Variants in SOX5 observed in about 807,000 individuals in gnomAD.
The protein encoded by SOX5 is transcription factor SOX-5.
A neutral mutation model predicts 92.0 loss-of-function variants in SOX5; 9 were observed. The ratio of observed to expected loss-of-function variants is 0.10; its 90% CI spans 0.06 to 0.17. The LOEUF (loss-of-function observed/expected upper bound fraction) is 0.17, where lower values mean the gene tolerates loss of function less well. Among genes scored for constraint, SOX5 ranks in the 10% least tolerant of loss-of-function variants. The pLI is 1.00. For missense variants in SOX5, 642 were observed against 944.5 expected (o/e 0.68, Z 4.20); for synonymous variants, 344 against 336.3 (o/e 1.02, Z -0.25).
Position 24,263,324 on chromosome 12 carries a change from G to A in SOX5, c.-77+13892C>T, listed in dbSNP as rs373703965. Among the ~76,000 whole-genome samples, 968 of 151,716 alleles carry A rather than the reference G, an allele frequency of 6.4e-3. 12 individuals carry two copies. The highest frequency in any genetic ancestry group is 0.022 in the African/African-American group (916 of 41,390). On this transcript the variant is annotated intron_variant, in intron 3 of 4. Transcript: ENST00000446891. Reference sequence around the variant, plus strand: ...GGGTGGATCATGAGGTCAGGAGATCGAGACCATCCTGGCTAACACGGTGAA... The same window carrying A: ...GGGTGGATCATGAGGTCAGGAGATCAAGACCATCCTGGCTAACACGGTGAA...
chr12:23,998,439 A>G (rs760619748), intron 4 of SOX5, among the ~76,000 whole-genome samples: 10 of 152,156 alleles, frequency 6.6e-5, no homozygotes, highest in Non-Finnish European at 1.5e-4. Context: ...GCCTTCTCAA[A>G]GACCTATGAG....
intron 2 of SOX5, among the ~76,000 whole-genome samples, chr12:24,359,419 G>A (rs1955254205): frequency 6.6e-6 from 1 of 152,152 alleles, no homozygotes; most frequent in African/African-American, 2.4e-5. Context: ...TTATCTACAG[G>A]CATCTTGCTC....
intron 7 of SOX5, among the ~76,000 whole-genome samples, chr12:23,654,263 CAA>C (rs1452065074): frequency 6.6e-6 from 1 of 152,016 alleles, no homozygotes; most frequent in Non-Finnish European, 1.5e-5. Flanking sequence ...TTTCATATAA[CAA>C]TAATTCTTTT....
At chr12:24,337,356 A>T (rs1311792770) in intron 2 of SOX5, among the ~76,000 whole-genome samples, 1 of 133,738 alleles carries the variant, frequency 7.5e-6, no homozygotes, top group Non-Finnish European at 1.6e-5. Context: ...TTTTTTTTTA[A>T]GAGAGAGAGA....
At chr12:24,422,312 T>A (rs886187668) in intron 1 of SOX5, among the ~76,000 whole-genome samples, 2 of 152,122 alleles carry the variant, frequency 1.3e-5, no homozygotes, top group Non-Finnish European at 2.9e-5. Flanking sequence ...ACATTTCCCA[T>A]CCCAAGGAAA....
At chr12:23,554,195 A>C (rs1262528728) in intron 11 of SOX5, among the ~76,000 whole-genome samples, 5 of 152,102 alleles carry the variant, frequency 3.3e-5, no homozygotes, top group Non-Finnish European at 7.4e-5. Context: ...ACTAGGATTG[A>C]GTATATTGTT....
rs116651343 is a variant in SOX5, at chr12:24,416,721, G to A, written c.-250-48082C>T. Reference sequence around the variant, plus strand: ...GTTATTTGTACTTTGAGCGATGATAGTCAAACACAGTTTGAATAACAATAT... The same window carrying A: ...GTTATTTGTACTTTGAGCGATGATAATCAAACACAGTTTGAATAACAATAT... On this transcript the variant is annotated intron_variant, in intron 1 of 4. Coordinates refer to the SOX5 transcript ENST00000446891. 2.0e-3 allele frequency among the ~76,000 whole-genome samples: 307 copies of A among 152,270 alleles called. 1 individual carries two copies. The highest frequency in any genetic ancestry group is 6.8e-3 in the African/African-American group (282 of 41,528).
intron 4 of SOX5, among the ~76,000 whole-genome samples, chr12:23,963,133 C>T (rs917861739): frequency 2.6e-5 from 4 of 152,090 alleles, no homozygotes; most frequent in African/African-American, 4.8e-5. Flanking sequence ...GGAAACTGCA[C>T]GATTTCATAA....
intron 4 of SOX5, among the ~76,000 whole-genome samples, chr12:24,069,228 T>C (rs1016474034): frequency 6.6e-6 from 1 of 152,140 alleles, no homozygotes; most frequent in South Asian, 2.1e-4. Context: ...TAAATCAGCA[T>C]GGAAACTTAA....
chr12:23,575,145 G>A (rs890807269), intron 10 of SOX5, among the ~76,000 whole-genome samples: 1 of 152,132 alleles, frequency 6.6e-6, no homozygotes, highest in South Asian at 2.1e-4. Context: ...TTATGCTACT[G>A]AATTTACAAT....
At chr12:23,762,306 G>T (rs1363495523) in intron 3 of SOX5, among the ~76,000 whole-genome samples, 1 of 152,112 alleles carries the variant, frequency 6.6e-6, no homozygotes, top group South Asian at 2.1e-4. Flanking sequence ...GCTGAGGCGA[G>T]AATACTGCTT....
At chr12:23,879,345 AAAG>A (rs2096962285) in intron 2 of SOX5, among the ~76,000 whole-genome samples, 1 of 152,180 alleles carries the variant, frequency 6.6e-6, no homozygotes, top group Non-Finnish European at 1.5e-5. Flanking sequence ...AAAAACTAGA[AAAG>A]AAATTAACAG....
At chr12:24,241,874 T>G (rs1965625326) in intron 3 of SOX5, among the ~76,000 whole-genome samples, 1 of 152,174 alleles carries the variant, frequency 6.6e-6, no homozygotes, top group African/African-American at 2.4e-5. Context: ...TGACTGTAAT[T>G]AAAGCTACTG....
chr12:24,178,672 T>A (rs1001419585), intron 4 of SOX5, among the ~76,000 whole-genome samples: 1 of 152,168 alleles, frequency 6.6e-6, no homozygotes, highest in East Asian at 1.9e-4. Context: ...TAAAAAAAAA[T>A]CTTGTTTTCC....
At chr12:23,645,212 G>C (rs896621017) in intron 7 of SOX5, among the ~76,000 whole-genome samples, 20 of 152,288 alleles carry the variant, frequency 1.3e-4, no homozygotes, top group African/African-American at 4.3e-4. Flanking sequence ...AGTTACAGAT[G>C]AAAATAAGAG....
intron 2 of SOX5, among the ~76,000 whole-genome samples, chr12:24,325,263 G>A (rs1276165158): frequency 6.6e-6 from 1 of 152,098 alleles, no homozygotes; most frequent in African/African-American, 2.4e-5. Flanking sequence ...CAGTTGGGCT[G>A]ATACCATGAA....
chr12:24,209,140 CAGA>C (rs1958325016), intron 4 of SOX5, among the ~76,000 whole-genome samples: 1 of 152,010 alleles, frequency 6.6e-6, no homozygotes, highest in Non-Finnish European at 1.5e-5. Context: ...TCTAGTAATG[CAGA>C]AGAAGTTGAA....
intron 6 of SOX5, among the ~76,000 whole-genome samples, chr12:23,711,982 T>C (rs1329778455): frequency 1.3e-5 from 2 of 152,208 alleles, no homozygotes; most frequent in African/African-American, 4.8e-5. Context: ...AGATATATTA[T>C]CTGTATCTTA....
intron 3 of SOX5, among the ~76,000 whole-genome samples, chr12:24,265,051 T>A (rs1211285320): frequency 6.6e-6 from 1 of 152,144 alleles, no homozygotes; most frequent in African/African-American, 2.4e-5. Context: ...CAACTTACCA[T>A]GGGGATTTTC....
Sources: gnomAD v4.1 joint callset for allele counts (sites outside exome capture counted in the v4.1 genomes callset) on GRCh38, gnomAD v4.1.1 for gene constraint, MANE v1.5 for transcripts, NCBI Gene and HGNC (gene_info 2026-07-23, HGNC 2026-07-21) for gene names.